The following UBE3D variants were observed in gnomAD, a reference collection of about 807,000 sequenced individuals.
The protein encoded by UBE3D is E3 ubiquitin-protein ligase E3D.
UBE3D carries 48 observed loss-of-function variants against 49.6 expected under a neutral mutation model. That is an observed-to-expected ratio of 0.97 (90% confidence interval 0.77 to 1.23). The LOEUF is 1.23. UBE3D is among the 50% of genes most tolerant of loss of function. UBE3D has a pLI of 0.00. For synonymous variants in UBE3D, 189 were observed against 174.2 expected (o/e 1.08, Z -0.67); for missense variants, 452 against 468.4 (o/e 0.96, Z 0.32).
chr6:82,942,822 A>G (rs1775111380), intron 9 of UBE3D, among the ~76,000 whole-genome samples: 1 of 152,238 alleles, frequency 6.6e-6, no homozygotes, highest in African/African-American at 2.4e-5. Flanking sequence ...TAGGGCAGTG[A>G]GGAGCAGAAA....
At chr6:82,933,876 C>T (rs1454748888) in intron 9 of UBE3D, among the ~76,000 whole-genome samples, 1 of 152,112 alleles carries the variant, frequency 6.6e-6, no homozygotes, top group Non-Finnish European at 1.5e-5. Context: ...AGTGTGGAGG[C>T]AGAGCTAAAG....
At chr6:82,903,062 G>A (rs1771851587) in intron 9 of UBE3D, among the ~76,000 whole-genome samples, 3 of 152,048 alleles carry the variant, frequency 2.0e-5, no homozygotes, top group Admixed American at 2.0e-4. Context: ...ATTTAATTAT[G>A]GTGAGAGATA....
chr6:83,060,191 C>T (rs1442052758), intron 1 of UBE3D, among the ~76,000 whole-genome samples: 3 of 152,158 alleles, frequency 2.0e-5, no homozygotes, highest in Admixed American at 6.5e-5. Flanking sequence ...CAGTCCATAA[C>T]AGGGTCCAAG....
downstream of UBE3D, among the ~76,000 whole-genome samples, chr6:82,887,705 TCCC>T (rs146278029): frequency 0.31 from 45,936 of 147,960 alleles, 8,303 homozygotes; most frequent in African/African-American, 0.49. Context: ...AGATACTCCA[TCCC>T]CCCAAAAAAA....
chr6:83,033,271 C>T (rs566996120), intron 5 of UBE3D, among the ~76,000 whole-genome samples: 1 of 152,268 alleles, frequency 6.6e-6, no homozygotes, highest in African/African-American at 2.4e-5. Flanking sequence ...TGCCCCCTGA[C>T]ACAAACACCT....
intron 9 of UBE3D, among the ~76,000 whole-genome samples, chr6:82,929,383 G>A (rs1415953117): frequency 6.6e-6 from 1 of 152,082 alleles, no homozygotes; most frequent in Non-Finnish European, 1.5e-5. Flanking sequence ...GACAATTAAG[G>A]GACAAATTAA....
rs1179798128 is a variant in UBE3D, at chr6:83,040,403, CTA to C, written c.598-1920_598-1919del. Among the ~76,000 whole-genome samples, 795 of 83,594 alleles carry C rather than the reference CTA, an allele frequency of 9.5e-3. 2 individuals carry two copies. Among genetic ancestry groups the C allele is most frequent in the Admixed American group, 0.015 (117 of 7,636 alleles). The allele number at this position is 83,594 out of a possible 152,430, so 54.8% of individuals were successfully genotyped here. On this transcript the variant is annotated intron_variant, in intron 4 of 9. Transcript: ENST00000369747. ...ACTCTCTCTCTCTCTCTCTCTCTCT[CTA>C]TATATATATATATTCAATCAGGGGT...
At chr6:83,063,991 A>G (rs1042992422) in intron 1 of UBE3D, among the ~76,000 whole-genome samples, 2 of 152,228 alleles carry the variant, frequency 1.3e-5, no homozygotes, top group African/African-American at 4.8e-5. Flanking sequence ...AAAAACATCC[A>G]GCAATAGGAG....
intron 8 of UBE3D, chr6:83,017,143 A>C (rs2127766705): frequency 6.6e-6 from 1 of 152,322 alleles, no homozygotes; most frequent in Non-Finnish European, 1.5e-5. Context: ...ATTAAATTGA[A>C]GAAGAGCAAA....
At chr6:83,058,287 T>C (rs1226174505) in intron 1 of UBE3D, among the ~76,000 whole-genome samples, 2 of 152,174 alleles carry the variant, frequency 1.3e-5, no homozygotes, top group African/African-American at 2.4e-5. Context: ...AGCACTAAAA[T>C]AATGTTTTAT....
At chr6:83,021,397 A>G (rs1225776354) in intron 7 of UBE3D, among the ~76,000 whole-genome samples, 1 of 152,138 alleles carries the variant, frequency 6.6e-6, no homozygotes, top group Non-Finnish European at 1.5e-5. Context: ...AGTCATAATC[A>G]TGCCATTGCA....
chr6:82,994,728 G>A (rs995697036), intron 8 of UBE3D, among the ~76,000 whole-genome samples: 45 of 152,286 alleles, frequency 3.0e-4, no homozygotes, highest in Admixed American at 2.0e-3. Flanking sequence ...GGTTGGATGT[G>A]GGGGAAGTTG....
At chr6:82,904,318 C>T (rs942718385) in intron 9 of UBE3D, among the ~76,000 whole-genome samples, 3 of 152,112 alleles carry the variant, frequency 2.0e-5, no homozygotes, top group Non-Finnish European at 2.9e-5. Context: ...TTCCAAGAAC[C>T]TATCAACCAC....
intron 3 of UBE3D, among the ~76,000 whole-genome samples, chr6:83,051,147 C>T (rs1783442996): frequency 6.6e-6 from 1 of 152,148 alleles, no homozygotes; most frequent in Non-Finnish European, 1.5e-5. Flanking sequence ...ATGTTACATC[C>T]TTTAACTCTC....
At chr6:83,041,057 T>C (rs1054136589) in intron 4 of UBE3D, among the ~76,000 whole-genome samples, 4 of 152,236 alleles carry the variant, frequency 2.6e-5, no homozygotes, top group Non-Finnish European at 5.9e-5. Context: ...TAAAGAGTAC[T>C]ATTTTATACA....
At chr6:82,946,385 T>A (rs1324203786) in intron 9 of UBE3D, among the ~76,000 whole-genome samples, 1 of 151,420 alleles carries the variant, frequency 6.6e-6, no homozygotes, top group Non-Finnish European at 1.5e-5. Context: ...AAAAAAAAAA[T>A]TTACCCTAGA....
At chr6:83,022,066 A>G (rs1462053975) in intron 7 of UBE3D, among the ~76,000 whole-genome samples, 1 of 152,026 alleles carries the variant, frequency 6.6e-6, no homozygotes, top group East Asian at 1.9e-4. Flanking sequence ...TTGCTCTGTC[A>G]CCCAGGCTTG....
chr6:83,005,781 C>T (rs1330658805), intron 8 of UBE3D, among the ~76,000 whole-genome samples: 1 of 152,114 alleles, frequency 6.6e-6, no homozygotes, highest in African/African-American at 2.4e-5. Flanking sequence ...GTGATATATA[C>T]ATACCATGGA....
At chr6:83,033,619 C>G (rs901354761) in intron 5 of UBE3D, among the ~76,000 whole-genome samples, 9 of 152,196 alleles carry the variant, frequency 5.9e-5, no homozygotes, top group African/African-American at 2.2e-4. Context: ...TCTCTTGCTA[C>G]TGCTTCCACT....
Sources: allele counts gnomAD v4.1 joint callset (sites outside exome capture counted in the v4.1 genomes callset), GRCh38; gene constraint gnomAD v4.1.1; transcripts MANE v1.5; gene names NCBI Gene and HGNC (gene_info 2026-07-23, HGNC 2026-07-21).